The following KLF8 variants were observed in gnomAD, a reference collection of about 807,000 sequenced individuals.
The protein encoded by KLF8 is KLF transcription factor 8, also known as Krueppel-like factor 8.
A neutral mutation model predicts 18.2 loss-of-function variants in KLF8; 10 were observed. The observed-to-expected ratio is 0.55, with a 90% CI of 0.34 to 0.93. The LOEUF is 0.93. Ranked by LOEUF, KLF8 falls within the 40% of genes least tolerant of loss-of-function variation. The probability of loss-of-function intolerance (pLI) is 0.02; values close to 1 mark genes in which losing one functional copy is unlikely to be tolerated. For missense variants in KLF8, 264 were observed against 277.9 expected (o/e 0.95, Z 0.36); for synonymous variants, 109 against 97.3 (o/e 1.12, Z -0.71).
At chrX:56,233,364 C>A (rs754691124) in intron 1 of KLF8, 23 bp downstream of exon 1, 20 of 1,020,018 alleles carry the variant, frequency 2.0e-5, no homozygotes, top group Non-Finnish European at 2.6e-5. Context: ...GGGACTAATA[C>A]CCACCCACTC....
chrX:56,060,841 T>A, the KLF8 span, among the ~76,000 whole-genome samples: 1 of 111,933 alleles, frequency 8.9e-6, no homozygotes, highest in East Asian at 2.8e-4. Flanking sequence ...TTTTGGTTGG[T>A]AGGCTATTAA....
the KLF8 span, among the ~76,000 whole-genome samples, chrX:56,211,917 C>T: frequency 9.0e-6 from 1 of 110,650 alleles, no homozygotes; most frequent in Admixed American, 9.7e-5. Flanking sequence ...TGGTAATGTG[C>T]TGAATCTCAC....
the KLF8 span, among the ~76,000 whole-genome samples, chrX:56,175,817 T>A: frequency 8.9e-6 from 1 of 111,901 alleles, no homozygotes; most frequent in Non-Finnish European, 1.9e-5. Context: ...GATAGTTAGC[T>A]TTTCTTATTG....
At chrX:56,203,509 G>T in the KLF8 span, among the ~76,000 whole-genome samples, 7 of 112,363 alleles carry the variant, frequency 6.2e-5, no homozygotes, top group Non-Finnish European at 1.9e-5. Context: ...CGAGGCCAAC[G>T]TCTTGGATAT....
the KLF8 span, among the ~76,000 whole-genome samples, chrX:55,937,080 A>C: frequency 9.0e-6 from 1 of 111,587 alleles, no homozygotes; most frequent in African/African-American, 3.3e-5. Flanking sequence ...TGCCTCCTCA[A>C]GTGGGTCCCT....
chrX:56,211,355 C>T, the KLF8 span, among the ~76,000 whole-genome samples: 4 of 112,642 alleles, frequency 3.6e-5, no homozygotes, highest in Non-Finnish European at 5.6e-5. Flanking sequence ...CTCTTATTCT[C>T]TTCCCTTACT....
the KLF8 span, among the ~76,000 whole-genome samples, chrX:55,974,930 A>G: frequency 1.8e-5 from 2 of 112,110 alleles, no homozygotes; most frequent in Non-Finnish European, 3.8e-5. Flanking sequence ...TTCTTTCCTC[A>G]GTGTTTTACA....
At chrX:55,984,656 G>A in the KLF8 span, among the ~76,000 whole-genome samples, 1 of 110,903 alleles carries the variant, frequency 9.0e-6, no homozygotes. Context: ...GGGATTGCAG[G>A]GTCAAAATGG....
chrX:56,193,271 T>C, the KLF8 span, among the ~76,000 whole-genome samples: 1 of 112,198 alleles, frequency 8.9e-6, no homozygotes, highest in Non-Finnish European at 1.9e-5. Flanking sequence ...TACAATGAAA[T>C]ATCATGTCAC....
chrX:56,075,433 TG>T, the KLF8 span, among the ~76,000 whole-genome samples: 1 of 111,491 alleles, frequency 9.0e-6, no homozygotes, highest in Admixed American at 9.6e-5. Context: ...TGAGATGTTT[TG>T]ATACAGGCAT....
chrX:56,001,316 T>C, the KLF8 span, among the ~76,000 whole-genome samples: 5 of 112,254 alleles, frequency 4.5e-5, no homozygotes, highest in South Asian at 1.9e-3. Flanking sequence ...CTTAGCAGCC[T>C]AATGGTGGGA....
chrX:56,279,575 T>C (rs1420909309), intron 5 of KLF8, among the ~76,000 whole-genome samples: 3 of 111,823 alleles, frequency 2.7e-5, no homozygotes, highest in African/African-American at 6.5e-5. Context: ...CTAGGACATA[T>C]TGAGCGCAGC....
At chrX:56,043,643 A>G in the KLF8 span, among the ~76,000 whole-genome samples, 1 of 110,981 alleles carries the variant, frequency 9.0e-6, no homozygotes, top group East Asian at 2.8e-4. Context: ...TGTGTTTTTC[A>G]TCTCCATCAG....
intron 1 of KLF8, among the ~76,000 whole-genome samples, chrX:56,238,274 G>A (rs979812565): frequency 9.0e-6 from 1 of 111,626 alleles, no homozygotes; most frequent in African/African-American, 3.3e-5. Flanking sequence ...TCAGCAGTTC[G>A]AAACCAGCTT....
chrX:56,284,692 C>A lies in KLF8; in HGVS notation c.*198C>A. The A allele has an allele frequency of 3.3e-6, 1 of 304,548 alleles. No homozygotes were observed. The highest frequency in any genetic ancestry group is 5.7e-6 in the Non-Finnish European group (1 of 176,988). 25.1% of individuals were successfully genotyped at this position (304,548 alleles called of 1,213,427 possible). On this transcript the variant is annotated 3_prime_UTR_variant, in exon 6 of 6. Transcript: ENST00000468660. ...TATTCTACCTTCACTTCTCCACTGT[C>A]CAGACCCGTTTTTTTCAACCTCCAC...
the KLF8 span, among the ~76,000 whole-genome samples, chrX:55,979,143 G>T: frequency 3.6e-5 from 4 of 111,566 alleles, no homozygotes; most frequent in African/African-American, 1.3e-4. Flanking sequence ...TTTTACTTTG[G>T]GCAGTTTCAG....
Position 56,284,332 on chromosome X carries a change from C to A in KLF8, c.918C>A (p.Cys306Ter). 1 of 1,164,565 alleles carries A rather than the reference C, an allele frequency of 8.6e-7. No individual in the cohort carries two copies. Among genetic ancestry groups the A allele is most frequent in the Non-Finnish European group, 1.1e-6 (1 of 872,451 alleles). ...TTTTAGGAGAGAAGCCTTATAAATG[C>A]ACCTGGGATGGCTGCTCCTGGAAAT... The part of the protein sequence containing the change: ...RIHTGEKPYK[C>*]TWDGCSWKFA... The change falls in exon 6 of 6, where the codon TGC (cysteine) becomes TGA (stop). Residue 306 changes from cysteine (C) to a stop codon, truncating the protein, a stop_gained. Transcript: ENST00000468660. LOFTEE classifies it high-confidence loss of function.
the KLF8 span, among the ~76,000 whole-genome samples, chrX:56,140,604 G>A: frequency 1.8e-5 from 2 of 110,200 alleles, no homozygotes; most frequent in African/African-American, 6.6e-5. Context: ...GCCTACTTGA[G>A]GGTGGATGGT....
the KLF8 span, among the ~76,000 whole-genome samples, chrX:56,184,200 A>G: frequency 8.9e-6 from 1 of 112,473 alleles, no homozygotes; most frequent in Non-Finnish European, 1.9e-5. Flanking sequence ...GGCTTAAAAA[A>G]TGGCGCACCA....
Sources: allele counts gnomAD v4.1 joint callset (sites outside exome capture counted in the v4.1 genomes callset), GRCh38; gene constraint gnomAD v4.1.1; transcripts MANE v1.5; gene names NCBI Gene and HGNC (gene_info 2026-07-23, HGNC 2026-07-21).